Variants in CCNH observed in about 807,000 individuals in gnomAD.
CCNH encodes cyclin-H.
CCNH carries 31 observed loss-of-function variants against 41.9 expected under a neutral mutation model. That is an observed-to-expected ratio of 0.74 (90% confidence interval 0.56 to 1.00). The LOEUF is 1.00. CCNH is among the 50% of genes least tolerant of loss of function. CCNH has a pLI of 0.00. For missense variants in CCNH, 362 were observed against 388.4 expected, an observed-to-expected ratio of 0.93 and a Z score of 0.57; for synonymous variants, 138 against 136.1, an observed-to-expected ratio of 1.01 and a Z score of -0.10.
chr5:87,405,421 C>G lies in CCNH; in HGVS notation c.526-414G>C, dbSNP rs546996678. On this transcript the variant is annotated intron_variant, in intron 4 of 8. Transcript: ENST00000256897. Reference sequence around the variant, plus strand: ...GATTTGATTAGAACACACTAGACTTCGAATTCCCACAGAAAAAGTTTTAGA... The same window carrying G: ...GATTTGATTAGAACACACTAGACTTGGAATTCCCACAGAAAAAGTTTTAGA... Among the ~76,000 whole-genome samples the G allele has an allele frequency of 3.3e-5, 5 of 152,232 alleles. No homozygotes were observed. In the South Asian group the frequency reaches 8.3e-4, roughly 25 times the overall value.
downstream of CCNH, among the ~76,000 whole-genome samples, chr5:87,375,432 T>C (rs2112488491): frequency 6.6e-6 from 1 of 152,230 alleles, no homozygotes; most frequent in Middle Eastern, 3.4e-3. Flanking sequence ...GGCTAAGTTT[T>C]GTATTTTTAG....
intron 9 of CCNH, among the ~76,000 whole-genome samples, chr5:87,340,343 A>T (rs1329980806): frequency 2.0e-5 from 3 of 152,060 alleles, no homozygotes; most frequent in Non-Finnish European, 4.4e-5. Flanking sequence ...TAAAATTAAT[A>T]ATTGTGTAAA....
upstream of CCNH, chr5:87,380,527 T>C (rs759595320): frequency 1.2e-5 from 20 of 1,612,900 alleles, no homozygotes; most frequent in Admixed American, 3.2e-4. Flanking sequence ...GATATATTTA[T>C]GGGTGTTTAC....
rs183660484 is a variant in CCNH, at chr5:87,396,271, C to T, written c.873-1167G>A. 2.4e-4 allele frequency among the ~76,000 whole-genome samples: 37 copies of T among 152,230 alleles called. No individual in the cohort carries two copies. In the East Asian group the frequency reaches 7.0e-3, roughly 29 times the overall value. On this transcript the variant is annotated intron_variant, in intron 7 of 8. Transcript: ENST00000256897. ...GGTTATGAGCAGAAAGTCCTGAAAC[C>T]AATCCCCCATGGATACTGAAGGATG...
chr5:87,375,716 T>C (rs982270360), downstream of CCNH, among the ~76,000 whole-genome samples: 2 of 152,166 alleles, frequency 1.3e-5, no homozygotes, highest in African/African-American at 4.8e-5. Context: ...CTAAAACAGT[T>C]GACAGTGAGA....
At chr5:87,333,145 T>C in intron 9 of CCNH, 11 of 1,415,316 alleles carry the variant, frequency 7.8e-6, no homozygotes, top group South Asian at 1.5e-5. Flanking sequence ...AGTAAAAATT[T>C]ATTTGAATGA....
chr5:87,391,087 A>T, downstream of CCNH: 1 of 640,822 alleles, frequency 1.6e-6, no homozygotes, highest in Non-Finnish European at 2.8e-6. Flanking sequence ...GGATATTTGC[A>T]CTATTTCCAC....
chr5:87,390,889 T>C (rs755599141), downstream of CCNH: 3 of 1,602,302 alleles, frequency 1.9e-6, no homozygotes, highest in Middle Eastern at 1.7e-4. Flanking sequence ...GGTAGCAGCC[T>C]TCGCCCCAGT....
Position 87,394,326 on chromosome 5 carries a change from CAAT to C in CCNH, c.*117_*119del. ...AAGTTACTGTGAAAGGGAAAGAAAA[CAAT>C]AGAAAAGTTTTAATATATTTTATGT... On this transcript the variant is annotated 3_prime_UTR_variant, in exon 9 of 9. Coordinates refer to ENST00000256897, the MANE Select transcript of CCNH (RefSeq NM_001239.4). 2 of 1,383,714 alleles carry C rather than the reference CAAT, an allele frequency of 1.4e-6. No individual in the cohort carries two copies. Among genetic ancestry groups the C allele is most frequent in the Non-Finnish European group, 1.9e-6 (2 of 1,059,304 alleles). 85.7% of individuals were successfully genotyped at this position (1,383,714 alleles called of 1,614,324 possible). A position where few individuals can be genotyped will look rare whatever the true frequency, so the allele number is the denominator to read the frequency against.
downstream of CCNH, chr5:87,391,247 G>T (rs1762493324): frequency 5.0e-6 from 2 of 401,516 alleles, no homozygotes. Context: ...CTTAGAGAAA[G>T]AACTATGAAA....
chr5:87,367,379 C>G (rs1760602730), intron 9 of CCNH, among the ~76,000 whole-genome samples: 1 of 152,160 alleles, frequency 6.6e-6, no homozygotes, highest in Admixed American at 6.5e-5. Context: ...ACACATAGAA[C>G]CTGATATGCT....
Position 87,399,428 on chromosome 5 carries a change from A to T in CCNH, c.838T>A (p.Cys280Ser). 6.2e-7 allele frequency: 1 copy of T among 1,613,934 alleles called. No individual in the cohort carries two copies. ...TTAAGTGCAAGCTCAGCAGAATGACATCGCTCCAACTTCTGTTTCAGAACA... is the reference window on the plus strand; with the variant it reads ...TTAAGTGCAAGCTCAGCAGAATGACTTCGCTCCAACTTCTGTTTCAGAACA... Reference protein sequence around the residue: ...VAVLKQKLERCHSAELALNVI... With the variant: ...VAVLKQKLERSHSAELALNVI... Residue 280 changes from cysteine to serine, a missense_variant, in exon 7 of 9, where the codon TGT becomes AGT. Physicochemically the swap from Cys to Ser is moderately radical, Grantham distance 112. Transcript: ENST00000256897.
rs200594131 is a variant in CCNH, at chr5:87,406,800, CCT to C, written c.525+1174_525+1175del. 2.0e-3 allele frequency among the ~76,000 whole-genome samples: 301 copies of C among 152,198 alleles called. 8 individuals are homozygous for C. The East Asian group carries it at 0.045, about 23-fold the overall frequency. Reference sequence around the variant, plus strand: ...TTTGCTTGGACTCCTTTAACGGTACCCTGTTATTGACTTAATCTATTCTAATC... The same window carrying C: ...TTTGCTTGGACTCCTTTAACGGTACCGTTATTGACTTAATCTATTCTAATC... On this transcript the variant is annotated intron_variant, in intron 4 of 8. Transcript: ENST00000256897.
At chr5:87,405,541 T>C (rs1038556443) in intron 4 of CCNH, among the ~76,000 whole-genome samples, 1 of 152,164 alleles carries the variant, frequency 6.6e-6, no homozygotes, top group Non-Finnish European at 1.5e-5. Context: ...GATATCCATA[T>C]GCAACACCTA....
chr5:87,317,129 C>T (rs182496472), downstream of CCNH, among the ~76,000 whole-genome samples: 1 of 152,222 alleles, frequency 6.6e-6, no homozygotes. Context: ...GTGATCTGCC[C>T]GCCTTAACCT....
At chr5:87,402,492 A>G (rs1171094506) in intron 5 of CCNH, among the ~76,000 whole-genome samples, 1 of 152,224 alleles carries the variant, frequency 6.6e-6, no homozygotes, top group Admixed American at 6.5e-5. Context: ...CGAAATGAAC[A>G]GATTCTCAAA....
chr5:87,411,379 G>T (rs1162812273), intron 1 of CCNH, 33 bp from the exon 2 acceptor site: 2 of 1,563,090 alleles, frequency 1.3e-6, no homozygotes, highest in Admixed American at 3.9e-5. Context: ...CAAGTTCAAT[G>T]AATTCAATGA....
Position 87,338,534 on chromosome 5 carries a change from A to ATATAT in CCNH, c.*91-19638_*91-19637insATATA, listed in dbSNP as rs1561292504. 9.5e-4 allele frequency among the ~76,000 whole-genome samples: 44 copies of ATATAT among 46,100 alleles called. 2 individuals carry two copies. Among genetic ancestry groups the ATATAT allele is most frequent in the East Asian group, 3.1e-3 (4 of 1,290 alleles). The allele number at this position is 46,100 out of a possible 152,430, so 30.2% of individuals were successfully genotyped here. On this transcript the variant is annotated intron_variant and NMD_transcript_variant, in intron 9 of 9. Transcript: ENST00000645953. ...ATATATATATATATATATATATATA[A>ATATAT]AATTTTTTTTTTTTTTAAGTAGAAA...
At chr5:87,344,890 C>T (rs1023796953) in intron 9 of CCNH, among the ~76,000 whole-genome samples, 4 of 152,042 alleles carry the variant, frequency 2.6e-5, no homozygotes, top group Non-Finnish European at 4.4e-5. Context: ...GCTCATTCAT[C>T]ACTTCCCCCT....
Sources: allele counts gnomAD v4.1 joint callset (sites outside exome capture counted in the v4.1 genomes callset), GRCh38; gene constraint gnomAD v4.1.1; transcripts MANE v1.5; gene names NCBI Gene and HGNC (gene_info 2026-07-23, HGNC 2026-07-21).